RARB: variants seen among roughly 807,000 people sequenced by gnomAD.
The protein encoded by RARB is retinoic acid receptor beta.
RARB carries 17 observed loss-of-function variants against 51.9 expected under a neutral mutation model. The observed-to-expected ratio is 0.33, with a 90% CI of 0.22 to 0.49. The LOEUF is 0.49. Ranked by LOEUF, RARB falls within the 20% of genes least tolerant of loss-of-function variation. RARB has a pLI of 0.99. For missense variants in RARB, 369 were observed against 550.8 expected, an observed-to-expected ratio of 0.67 and a Z score of 3.30; for synonymous variants, 215 against 195.4, an observed-to-expected ratio of 1.10 and a Z score of -0.84.
intron 3 of RARB, among the ~76,000 whole-genome samples, chr3:25,524,100 CGCAAGAAA>C (rs1049082909): frequency 6.6e-6 from 1 of 152,130 alleles, no homozygotes; most frequent in Admixed American, 6.5e-5. Context: ...GTTTAAAAAG[CGCAAGAAA>C]TTCTTGAAGT....
chr3:25,303,103 T>C (rs1704078733), intron 5 of RARB, among the ~76,000 whole-genome samples: 1 of 152,208 alleles, frequency 6.6e-6, no homozygotes, highest in African/African-American at 2.4e-5. Flanking sequence ...GAGTTCTTTC[T>C]CAGTAGGCTC....
At chr3:25,030,126 C>A (rs748715178) in intron 2 of RARB, among the ~76,000 whole-genome samples, 1 of 152,122 alleles carries the variant, frequency 6.6e-6, no homozygotes, top group African/African-American at 2.4e-5. Flanking sequence ...TAGTCAATAC[C>A]TTTTCTATTA....
intron 2 of RARB, among the ~76,000 whole-genome samples, chr3:25,053,119 G>A (rs753251110): frequency 2.0e-5 from 3 of 152,230 alleles, no homozygotes; most frequent in Non-Finnish European, 2.9e-5. Flanking sequence ...AGGCTGAGGG[G>A]GAGAGATTAT....
intron 2 of RARB, among the ~76,000 whole-genome samples, chr3:25,002,954 T>C (rs1697197967): frequency 6.6e-6 from 1 of 152,146 alleles, no homozygotes; most frequent in African/African-American, 2.4e-5. Context: ...ATGATTACTT[T>C]ACAATAGTAA....
chr3:25,018,318 TC>T (rs1697558385), intron 2 of RARB, among the ~76,000 whole-genome samples: 1 of 152,206 alleles, frequency 6.6e-6, no homozygotes, highest in Non-Finnish European at 1.5e-5. Flanking sequence ...GTGTTAATTC[TC>T]TAAAGCAGTA....
chr3:25,431,507 G>A (rs925018705), intron 1 of RARB, among the ~76,000 whole-genome samples: 59 of 152,200 alleles, frequency 3.9e-4, no homozygotes, highest in African/African-American at 1.4e-3. Flanking sequence ...TACGATTGAC[G>A]ACTGCCCCTG....
At chr3:25,260,525 C>G (rs190564965) in intron 5 of RARB, among the ~76,000 whole-genome samples, 27 of 152,130 alleles carry the variant, frequency 1.8e-4, no homozygotes, top group African/African-American at 6.5e-4. Flanking sequence ...AGTTCTTAAT[C>G]AAAAATCCGA....
At chr3:24,874,715 T>C (rs182316536) in intron 2 of RARB, among the ~76,000 whole-genome samples, 5 of 152,152 alleles carry the variant, frequency 3.3e-5, no homozygotes, top group Non-Finnish European at 5.9e-5. Flanking sequence ...GTAAATGTCA[T>C]GTAACTGGAT....
intron 5 of RARB, among the ~76,000 whole-genome samples, chr3:25,239,704 A>T (rs1483173486): frequency 6.6e-6 from 1 of 152,084 alleles, no homozygotes; most frequent in Non-Finnish European, 1.5e-5. Flanking sequence ...GTTAGCAGAG[A>T]CTTGAAATAT....
rs145361978 is a variant in RARB, at chr3:25,573,054, G to A, written c.609+3136G>A. Reference sequence around the variant, plus strand: ...ACCACTGATGAGCAGAACGTGGAGAGATAAACCCCCCCAGCTTCCTTATTC... The same window carrying A: ...ACCACTGATGAGCAGAACGTGGAGAAATAAACCCCCCCAGCTTCCTTATTC... On this transcript the variant is annotated intron_variant, in intron 4 of 7. Coordinates refer to ENST00000330688, the MANE Select transcript of RARB (RefSeq NM_000965.5). 2.4e-3 allele frequency among the ~76,000 whole-genome samples: 360 copies of A among 152,218 alleles called. 1 individual carries two copies. The highest frequency in any genetic ancestry group is 8.5e-3 in the African/African-American group (352 of 41,532).
intron 5 of RARB, among the ~76,000 whole-genome samples, chr3:25,414,084 C>G (rs1410451439): frequency 6.6e-6 from 1 of 152,084 alleles, no homozygotes; most frequent in Non-Finnish European, 1.5e-5. Flanking sequence ...TTCCCTAAGC[C>G]CTGTCTCTAG....
At chr3:24,878,998 A>G (rs1405475696) in intron 2 of RARB, among the ~76,000 whole-genome samples, 1 of 152,230 alleles carries the variant, frequency 6.6e-6, no homozygotes, top group Non-Finnish European at 1.5e-5. Flanking sequence ...TAATATCCAT[A>G]TCTGAAGTCA....
At chr3:25,099,177 G>A (rs1461964287) in intron 3 of RARB, among the ~76,000 whole-genome samples, 2 of 152,134 alleles carry the variant, frequency 1.3e-5, no homozygotes, top group Non-Finnish European at 2.9e-5. Context: ...CACTCCCAAA[G>A]CCCTTGGCTT....
At chr3:25,465,924 A>T (rs1388216564) in intron 2 of RARB, among the ~76,000 whole-genome samples, 1 of 152,100 alleles carries the variant, frequency 6.6e-6, no homozygotes, top group African/African-American at 2.4e-5. Flanking sequence ...CCTTAATCAT[A>T]TTTTACATTT....
intron 3 of RARB, among the ~76,000 whole-genome samples, chr3:25,071,902 C>G (rs1027335017): frequency 6.6e-6 from 1 of 152,166 alleles, no homozygotes; most frequent in Non-Finnish European, 1.5e-5. Flanking sequence ...CCCAAAGATG[C>G]TTGAAAGCCC....
intron 1 of RARB, among the ~76,000 whole-genome samples, chr3:25,440,635 G>A (rs892680355): frequency 1.3e-5 from 2 of 151,842 alleles, no homozygotes; most frequent in Admixed American, 1.3e-4. Flanking sequence ...GCTGGGCGTG[G>A]TGGTGCCCGC....
chr3:24,919,548 A>ACTTTCTTTTTCTGTCCG (rs1559396310), intron 2 of RARB, among the ~76,000 whole-genome samples: 6 of 151,916 alleles, frequency 3.9e-5, no homozygotes, highest in African/African-American at 1.2e-4. Flanking sequence ...TTTTCTGTCC[A>ACTTTCTTTTTCTGTCCG]TGAATGTTCT....
chr3:25,505,948 G>C (rs1697565123), intron 3 of RARB, among the ~76,000 whole-genome samples: 1 of 152,200 alleles, frequency 6.6e-6, no homozygotes, highest in African/African-American at 2.4e-5. Flanking sequence ...AATGGTCCAT[G>C]ATGGGAAAGA....
At chr3:25,080,184 C>T (rs974230710) in intron 3 of RARB, among the ~76,000 whole-genome samples, 4 of 152,148 alleles carry the variant, frequency 2.6e-5, no homozygotes, top group African/African-American at 9.6e-5. Context: ...TAGAATCATA[C>T]ATTTGAGTTT....
Sources: gnomAD v4.1 joint callset for allele counts (sites outside exome capture counted in the v4.1 genomes callset) on GRCh38, gnomAD v4.1.1 for gene constraint, MANE v1.5 for transcripts, NCBI Gene and HGNC (gene_info 2026-07-23, HGNC 2026-07-21) for gene names.